The following CDC42BPA variants were observed in gnomAD, a reference collection of about 807,000 sequenced individuals.
CDC42BPA encodes CDC42 binding protein kinase alpha.
A neutral mutation model predicts 223.5 loss-of-function variants in CDC42BPA; 80 were observed. The observed-to-expected ratio is 0.36, with a 90% CI of 0.30 to 0.43. CDC42BPA has a LOEUF of 0.43. Ranked by LOEUF, CDC42BPA falls within the 20% of genes least tolerant of loss-of-function variation. CDC42BPA has a pLI of 1.00. For synonymous variants in CDC42BPA, 694 were observed against 718.6 expected (o/e 0.97, Z 0.55); for missense variants, 1,743 against 2,099.9 (o/e 0.83, Z 3.32).
chr1:227,231,463 A>T (rs551851128), intron 2 of CDC42BPA, among the ~76,000 whole-genome samples: 74 of 152,268 alleles, frequency 4.9e-4, no homozygotes, highest in Non-Finnish European at 8.2e-4. Flanking sequence ...GTGTCTTTAT[A>T]GCAGCATGAT....
intron 5 of CDC42BPA, among the ~76,000 whole-genome samples, chr1:227,177,363 C>A (rs988192525): frequency 3.3e-5 from 5 of 152,038 alleles, no homozygotes; most frequent in African/African-American, 1.2e-4. Context: ...AGAAAATATC[C>A]CCAGATACAG....
chr1:227,066,285 G>C (rs1280250867), intron 21 of CDC42BPA, among the ~76,000 whole-genome samples: 1 of 152,100 alleles, frequency 6.6e-6, no homozygotes, highest in East Asian at 1.9e-4. Flanking sequence ...AGCTACTTGG[G>C]AGGCTGAGGC....
intron 21 of CDC42BPA, among the ~76,000 whole-genome samples, chr1:227,061,118 A>C (rs553871550): frequency 6.6e-5 from 10 of 152,220 alleles, no homozygotes; most frequent in African/African-American, 2.4e-4. Context: ...AGGCCCGGAG[A>C]GTTCTAAAGA....
chr1:227,085,686 C>T (rs1681717424), intron 16 of CDC42BPA, among the ~76,000 whole-genome samples: 1 of 152,194 alleles, frequency 6.6e-6, no homozygotes, highest in Admixed American at 6.5e-5. Flanking sequence ...TCCTTGTCTT[C>T]CCAAAAGGAA....
At chr1:227,222,730 A>G (rs942133924) in intron 2 of CDC42BPA, among the ~76,000 whole-genome samples, 3 of 152,206 alleles carry the variant, frequency 2.0e-5, no homozygotes, top group Non-Finnish European at 2.9e-5. Context: ...ACAGCTGTCT[A>G]TACTTTATTG....
intron 4 of CDC42BPA, among the ~76,000 whole-genome samples, chr1:227,196,561 G>A (rs377598274): frequency 9.9e-5 from 15 of 151,920 alleles, no homozygotes; most frequent in East Asian, 7.7e-4. Flanking sequence ...GGATGGTCTC[G>A]ATCTCCTGAC....
chr1:227,223,924 T>C (rs1019056149), intron 2 of CDC42BPA, among the ~76,000 whole-genome samples: 2 of 152,192 alleles, frequency 1.3e-5, no homozygotes, highest in African/African-American at 4.8e-5. Context: ...TGCCCCACTG[T>C]AGGCTAATAA....
chr1:227,103,706 A>C (rs1685431138), intron 14 of CDC42BPA, among the ~76,000 whole-genome samples: 1 of 152,134 alleles, frequency 6.6e-6, no homozygotes, highest in African/African-American at 2.4e-5. Flanking sequence ...AGACATCTTC[A>C]GTCATTGGGT....
At chr1:227,277,928 T>G (rs1309658921) in intron 1 of CDC42BPA, among the ~76,000 whole-genome samples, 1 of 152,056 alleles carries the variant, frequency 6.6e-6, no homozygotes, top group African/African-American at 2.4e-5. Flanking sequence ...TTTTTGTATT[T>G]TTAGTAGAGA....
At chr1:227,078,228 T>C (rs948909201) in intron 17 of CDC42BPA, among the ~76,000 whole-genome samples, 25 of 152,186 alleles carry the variant, frequency 1.6e-4, no homozygotes, top group Non-Finnish European at 2.9e-5. Flanking sequence ...CCCACCCTTC[T>C]TGAGCAACTA....
At chr1:227,280,877 T>G (rs989167250) in intron 1 of CDC42BPA, among the ~76,000 whole-genome samples, 3 of 152,170 alleles carry the variant, frequency 2.0e-5, no homozygotes, top group African/African-American at 7.2e-5. Flanking sequence ...TCTTCTAAGG[T>G]AAGCATGCCA....
At chr1:227,193,496 T>A (rs981801773) in intron 5 of CDC42BPA, among the ~76,000 whole-genome samples, 1 of 152,098 alleles carries the variant, frequency 6.6e-6, no homozygotes, top group East Asian at 1.9e-4. Flanking sequence ...TAATTTCTCA[T>A]CCCTCACCTC....
In CDC42BPA at chr1:227,073,881, A is replaced by G. The variant is rs750679982; in HGVS notation, c.2718T>C (p.Ser906=). 5 of 1,599,364 alleles carry G rather than the reference A, an allele frequency of 3.1e-6. No individual in the cohort carries two copies. In the Admixed American group the frequency reaches 9.0e-5, roughly 29 times the overall value. Residue 906 remains serine, a synonymous_variant, in exon 19 of 37, where the codon TCT becomes TCC. Transcript: ENST00000366766. ...AATCTTACCATTCTGTTATGATATT[A>G]GATGCTTTAACTTTATTCAACTCTT... ...IQEELNKVKA[S]NIITECKLKD...
intron 16 of CDC42BPA, among the ~76,000 whole-genome samples, chr1:227,090,666 C>G (rs1682903179): frequency 6.6e-6 from 1 of 152,148 alleles, no homozygotes; most frequent in East Asian, 1.9e-4. Context: ...CAAACATTAG[C>G]TGGGTGTGGT....
chr1:227,206,539 T>A (rs1672760078), intron 3 of CDC42BPA, among the ~76,000 whole-genome samples: 1 of 152,072 alleles, frequency 6.6e-6, no homozygotes, highest in Non-Finnish European at 1.5e-5. Context: ...AAATAAAAAA[T>A]AAGGAATTTT....
At chr1:227,025,455 A>G (rs540767046) in intron 31 of CDC42BPA, among the ~76,000 whole-genome samples, 66 of 152,330 alleles carry the variant, frequency 4.3e-4, no homozygotes, top group Non-Finnish European at 7.6e-4. Context: ...AACTAATCAT[A>G]CATGCTATAT....
chr1:227,062,251 C>T (rs994321092), intron 21 of CDC42BPA, among the ~76,000 whole-genome samples: 5 of 152,146 alleles, frequency 3.3e-5, no homozygotes, highest in South Asian at 2.1e-4. Flanking sequence ...GCTCCCTCCC[C>T]CCGCAAGTTC....
intron 12 of CDC42BPA, among the ~76,000 whole-genome samples, chr1:227,115,796 C>T (rs1488635538): frequency 2.6e-5 from 4 of 150,950 alleles, no homozygotes; most frequent in African/African-American, 7.3e-5. Context: ...CTCATTGGTC[C>T]GTGAGAAAAA....
chr1:227,257,323 G>A (rs1373580078), intron 1 of CDC42BPA, among the ~76,000 whole-genome samples: 1 of 144,370 alleles, frequency 6.9e-6, no homozygotes, highest in African/African-American at 2.9e-5. Context: ...ATGTAAAAGT[G>A]GTCAAAATGG....
Sources: gnomAD v4.1 joint callset for allele counts (sites outside exome capture counted in the v4.1 genomes callset) on GRCh38, gnomAD v4.1.1 for gene constraint, MANE v1.5 for transcripts, NCBI Gene and HGNC (gene_info 2026-07-23, HGNC 2026-07-21) for gene names.